Variants in DGLUCY observed in about 807,000 individuals in gnomAD.
DGLUCY encodes the protein D-glutamate cyclase, also known as D-glutamate cyclase, mitochondrial.
DGLUCY carries 58 observed loss-of-function variants against 58.5 expected under a neutral mutation model. The observed-to-expected ratio is 0.99, with a 90% CI of 0.80 to 1.23. DGLUCY has a LOEUF of 1.23. DGLUCY is among the 50% of genes most tolerant of loss of function. DGLUCY has a pLI of 0.00. For missense variants in DGLUCY, 779 were observed against 784.7 expected (o/e 0.99, Z 0.09); for synonymous variants, 325 against 314.1 (o/e 1.03, Z -0.37).
At chr14:91,104,229 AT>A (rs1360367323), upstream of DGLUCY, among the ~76,000 whole-genome samples, 1 of 150,900 alleles carries the variant, frequency 6.6e-6, no homozygotes, top group Admixed American at 6.6e-5. Context: ...CGCCCGGCTA[AT>A]TTTTTGTATT....
chr14:91,192,468 A>C (rs972689920), intron 9 of DGLUCY, among the ~76,000 whole-genome samples: 6 of 152,108 alleles, frequency 3.9e-5, no homozygotes, highest in Admixed American at 3.9e-4. Context: ...TGAACTATAC[A>C]CTTGAAAATG....
chr14:91,127,360 C>A lies in DGLUCY; in HGVS notation c.-82+13077C>A, dbSNP rs1333300938. On this transcript the variant is annotated intron_variant, in intron 1 of 13. Coordinates refer to ENST00000256324, the MANE Select transcript of DGLUCY (RefSeq NM_001102368.3). Reference sequence around the variant, plus strand: ...TAAGCCACCATGCCAGGACCTTAGTCCATTTTCTGATAACTCTGTGAGCTG... The same window carrying A: ...TAAGCCACCATGCCAGGACCTTAGTACATTTTCTGATAACTCTGTGAGCTG... Among the ~76,000 whole-genome samples, 4 of 152,304 alleles carry A rather than the reference C, an allele frequency of 2.6e-5. No individual in the cohort carries two copies. The South Asian group carries it at 8.3e-4, about 32-fold the overall frequency.
At chr14:91,074,874 A>C (rs1180477768) in intron 1 of DGLUCY, among the ~76,000 whole-genome samples, 1 of 152,044 alleles carries the variant, frequency 6.6e-6, no homozygotes, top group Non-Finnish European at 1.5e-5. Flanking sequence ...GGAGTTCAAG[A>C]CCAGCCTGAC....
Position 91,225,001 on chromosome 14 carries a change from T to G in DGLUCY, c.*168T>G. On this transcript the variant is annotated 3_prime_UTR_variant, in exon 14 of 14. Transcript: ENST00000256324. ...ATGCCCACTTTCTGGGAGGGGTTAG[T>G]GCAGGTGCTGTGGACAAAGGACAAC... The G allele has an allele frequency of 1.4e-6, 1 of 720,080 alleles. No individual in the cohort carries two copies. Among genetic ancestry groups the G allele is most frequent in the Admixed American group, 3.5e-5 (1 of 28,596 alleles). 44.6% of individuals were successfully genotyped at this position (720,080 alleles called of 1,614,324 possible). A position where few individuals can be genotyped will look rare whatever the true frequency, so the allele number is the denominator to read the frequency against.
chr14:91,080,702 T>C (rs561834388), intron 1 of DGLUCY, among the ~76,000 whole-genome samples: 1 of 152,188 alleles, frequency 6.6e-6, no homozygotes, highest in South Asian at 2.1e-4. Flanking sequence ...TTTCCCATTT[T>C]AACCAACCAT....
intron 7 of DGLUCY, 94 bp downstream of exon 7, chr14:91,176,150 T>TA: frequency 7.0e-7 from 1 of 1,435,646 alleles, no homozygotes; most frequent in East Asian, 2.5e-5. Context: ...TACAATGATT[T>TA]AAAAATAAAG....
At chr14:91,186,920 G>T (rs1219720279) in intron 8 of DGLUCY, among the ~76,000 whole-genome samples, 1 of 152,170 alleles carries the variant, frequency 6.6e-6, no homozygotes, top group Non-Finnish European at 1.5e-5. Flanking sequence ...CGATATGCCA[G>T]CATCTGGACT....
intron 12 of DGLUCY, 33 bp from the exon 13 acceptor site, chr14:91,215,372 A>G (rs1239568383): frequency 2.5e-6 from 4 of 1,574,554 alleles, no homozygotes; most frequent in Admixed American, 1.8e-5. Flanking sequence ...GACTTTTCCA[A>G]CTCCATGATG....
In DGLUCY at chr14:91,193,687, C is replaced by G. The variant is rs546112839; in HGVS notation, c.1196-2688C>G. On this transcript the variant is annotated intron_variant, in intron 9 of 13. Transcript: ENST00000256324. ...GAAACCCCGTCTCTACCAAAAAATA[C>G]AAAAATTAGCTGCGTGTGGTGGCAC... Among the ~76,000 whole-genome samples the G allele has an allele frequency of 9.9e-5, 15 of 152,000 alleles. No homozygotes were observed. In the East Asian group the frequency reaches 2.7e-3, roughly 28 times the overall value.
intron 12 of DGLUCY, among the ~76,000 whole-genome samples, chr14:91,207,803 A>G (rs190128673): frequency 0.011 from 1,633 of 151,750 alleles, 20 homozygotes; most frequent in Admixed American, 0.024. Context: ...CTGGAGTGCA[A>G]TGGCGCAATC....
intron 1 of DGLUCY, among the ~76,000 whole-genome samples, chr14:91,122,336 A>G (rs1441553048): frequency 6.6e-6 from 1 of 151,856 alleles, no homozygotes; most frequent in Non-Finnish European, 1.5e-5. Flanking sequence ...TATTTTTTGT[A>G]GAGATGGGGT....
chr14:91,170,231 C>A (rs1213130849), intron 5 of DGLUCY, 30 bp downstream of exon 5: 1 of 1,600,460 alleles, frequency 6.2e-7, no homozygotes, highest in Admixed American at 1.7e-5. Flanking sequence ...CCCACAAGGG[C>A]AGAATGGCCT....
chr14:91,216,729 C>T (rs887212624), intron 13 of DGLUCY, among the ~76,000 whole-genome samples: 16 of 151,986 alleles, frequency 1.1e-4, no homozygotes, highest in Non-Finnish European at 2.1e-4. Flanking sequence ...CCTGAGGACT[C>T]TCCCTGAGAG....
intron 1 of DGLUCY, among the ~76,000 whole-genome samples, chr14:91,079,973 C>T (rs1388479766): frequency 6.6e-6 from 1 of 152,136 alleles, no homozygotes. Flanking sequence ...TTTTTCCCTT[C>T]CCCCAGGTAA....
chr14:91,169,464 C>A (rs1228365970), intron 4 of DGLUCY, among the ~76,000 whole-genome samples: 5 of 151,280 alleles, frequency 3.3e-5, no homozygotes, highest in Non-Finnish European at 7.4e-5. Context: ...TGGAGTAGTG[C>A]AGTGGCACGA....
chr14:91,086,668 T>C (rs1410910623), intron 1 of DGLUCY, among the ~76,000 whole-genome samples: 1 of 152,308 alleles, frequency 6.6e-6, no homozygotes, highest in East Asian at 1.9e-4. Flanking sequence ...GCTGACTGTA[T>C]TTTATACCTG....
chr14:91,138,947 C>T (rs2046494594), intron 1 of DGLUCY, among the ~76,000 whole-genome samples: 2 of 152,080 alleles, frequency 1.3e-5, no homozygotes, highest in Admixed American at 1.3e-4. Flanking sequence ...GGTAAAGAAC[C>T]AGATATTTTA....
At chr14:91,091,810 C>G (rs552066791) in intron 1 of DGLUCY, among the ~76,000 whole-genome samples, 1 of 152,220 alleles carries the variant, frequency 6.6e-6, no homozygotes, top group South Asian at 2.1e-4. Flanking sequence ...TGAACATACC[C>G]AAGTCCCCTG....
rs765703181 is a variant in DGLUCY, at chr14:91,196,387, C to T, written c.1208C>T (p.Thr403Met). The change falls in exon 10 of 14, where the codon ACG becomes ATG. Residue 403 changes from threonine (T) to methionine (M), a missense_variant. Transcript: ENST00000256324. Reference protein sequence around the residue: ...EDAVEQGVLKTQIPILTYQGG... With the variant: ...EDAVEQGVLKMQIPILTYQGG... ...CTTTATTTTCAAGGTGTTCTGAAGA[C>T]GCAGATCCCGATATTAACTTACCAA... The T allele has an allele frequency of 9.9e-6, 16 of 1,613,880 alleles. No individual in the cohort carries two copies. Among genetic ancestry groups the T allele is most frequent in the Non-Finnish European group, 1.3e-5 (15 of 1,179,960 alleles).
Sources: gnomAD v4.1 joint callset for allele counts (sites outside exome capture counted in the v4.1 genomes callset) on GRCh38, gnomAD v4.1.1 for gene constraint, MANE v1.5 for transcripts, NCBI Gene and HGNC (gene_info 2026-07-23, HGNC 2026-07-21) for gene names.